COL4A2: variants seen among roughly 807,000 people sequenced by gnomAD.
The protein encoded by COL4A2 is collagen type IV alpha 2 chain.
Under a neutral mutation model 200.2 loss-of-function variants are expected in COL4A2, and 99 were observed. The observed-to-expected ratio is 0.49, with a 90% CI of 0.42 to 0.58. The LOEUF (loss-of-function observed/expected upper bound fraction) is 0.58, where lower values mean the gene tolerates loss of function less well. Ranked by LOEUF, COL4A2 falls within the 20% of genes least tolerant of loss-of-function variation. The pLI, the probability that COL4A2 is intolerant of heterozygous loss-of-function variation, is 0.00. For missense variants in COL4A2, 1,950 were observed against 2,314.1 expected (o/e 0.84, Z 3.23); for synonymous variants, 897 against 900.6 (o/e 1.00, Z 0.07).
At chr13:110,489,407 G>A (rs758378324) in intron 34 of COL4A2, 38 bp from the exon 35 acceptor site, 21 of 1,603,390 alleles carry the variant, frequency 1.3e-5, no homozygotes, top group African/African-American at 2.7e-5. Flanking sequence ...AACTGACTTC[G>A]CTAACAGCCT....
chr13:110,310,613 T>C (rs1239589866), intron 3 of COL4A2, among the ~76,000 whole-genome samples: 1 of 152,208 alleles, frequency 6.6e-6, no homozygotes, highest in African/African-American at 2.4e-5. Context: ...CTGTTCCTTG[T>C]GAAATAATGT....
chr13:110,317,353 AAC>A (rs1430521539), intron 3 of COL4A2, among the ~76,000 whole-genome samples: 1 of 148,428 alleles, frequency 6.7e-6, no homozygotes, highest in Non-Finnish European at 1.5e-5. Flanking sequence ...CACACACAGA[AAC>A]ACATGTACAC....
At chr13:110,460,578 A>G (rs985530560) in intron 22 of COL4A2, among the ~76,000 whole-genome samples, 2 of 152,180 alleles carry the variant, frequency 1.3e-5, no homozygotes, top group Non-Finnish European at 2.9e-5. Context: ...AAACCTTCCA[A>G]GCACACACGT....
intron 29 of COL4A2, among the ~76,000 whole-genome samples, chr13:110,477,279 A>C (rs1270909992): frequency 2.6e-5 from 4 of 152,278 alleles, no homozygotes; most frequent in Non-Finnish European, 4.4e-5. Context: ...ATCATAATGA[A>C]GAACAAGCAA....
chr13:110,368,071 G>T (rs1444494110), intron 4 of COL4A2, among the ~76,000 whole-genome samples: 3 of 152,172 alleles, frequency 2.0e-5, no homozygotes, highest in Non-Finnish European at 4.4e-5. Flanking sequence ...CAAATATTTG[G>T]ACTTCTCTTC....
chr13:110,503,538 T>C, intron 43 of COL4A2, 57 bp downstream of exon 43: 11 of 1,083,732 alleles, frequency 1.0e-5, no homozygotes, highest in Non-Finnish European at 1.5e-5. Flanking sequence ...TCTCCAGGCT[T>C]GGGGACATCC....
At chr13:110,325,586 T>C (rs1885385407) in intron 3 of COL4A2, among the ~76,000 whole-genome samples, 1 of 152,208 alleles carries the variant, frequency 6.6e-6, no homozygotes, top group African/African-American at 2.4e-5. Flanking sequence ...AACACTTAAC[T>C]AAGGCTGCCT....
At chr13:110,400,029 C>CA (rs764227486) in intron 4 of COL4A2, among the ~76,000 whole-genome samples, 11 of 152,276 alleles carry the variant, frequency 7.2e-5, no homozygotes, top group Non-Finnish European at 1.2e-4. Context: ...AGTAATCAGA[C>CA]AAATTCTCCA....
intron 3 of COL4A2, among the ~76,000 whole-genome samples, chr13:110,327,181 C>G (rs893665980): frequency 6.6e-6 from 1 of 152,220 alleles, no homozygotes; most frequent in Non-Finnish European, 1.5e-5. Flanking sequence ...AGCACACACA[C>G]TCTTACATCT....
chr13:110,402,264 C>T (rs1315335199), intron 4 of COL4A2, among the ~76,000 whole-genome samples: 1 of 152,132 alleles, frequency 6.6e-6, no homozygotes, highest in Non-Finnish European at 1.5e-5. Context: ...CCTATGAAAT[C>T]AAATAAATTG....
chr13:110,458,802 C>T lies in COL4A2; in HGVS notation c.1464C>T (p.Gly488=), dbSNP rs1269797589. The T allele has an allele frequency of 8.1e-6, 13 of 1,613,898 alleles. No individual in the cohort carries two copies. The highest frequency in any genetic ancestry group is 1.3e-5 in the African/African-American group (1 of 74,882). The change falls in exon 22 of 48, where the codon GGC becomes GGT. Residue 488 remains glycine, a synonymous_variant. Transcript: ENST00000360467. ...CTGGGGAATGCAGATGTACAGAAGG[C>T]GACGAAGCTATCAAAGGTCTTCCGG... is the stretch of plus-strand genomic sequence containing the variant. ...GDAGECRCTE[G]DEAIKGLPGL...
In COL4A2 at chr13:110,506,289, G is replaced by A. The variant is rs972894772; in HGVS notation, c.4403-126G>A. 5.5e-6 allele frequency: 5 copies of A among 901,262 alleles called. No homozygotes were observed. The African/African-American group carries it at 7.7e-5, about 14-fold the overall frequency. The allele number at this position is 901,262 out of a possible 1,614,324, so 55.8% of individuals were successfully genotyped here. On this transcript the variant is annotated intron_variant, in intron 45 of 47. Transcript: ENST00000360467. ...CTCTCTCTCTCTCTCTCGGGCTGCA[G>A]GTGCACCAGGCCGTCCACTCTCTCT...
At chr13:110,352,410 GTTGT>G (rs1247003971) in intron 3 of COL4A2, among the ~76,000 whole-genome samples, 1 of 152,204 alleles carries the variant, frequency 6.6e-6, no homozygotes, top group Non-Finnish European at 1.5e-5. Context: ...TGTGGGTTTA[GTTGT>G]TTGTTTACTT....
chr13:110,485,350 C>T (rs776205422), intron 33 of COL4A2, among the ~76,000 whole-genome samples: 3 of 151,874 alleles, frequency 2.0e-5, no homozygotes, highest in Admixed American at 6.6e-5. Flanking sequence ...GGTGAAACCC[C>T]GTCTCTACTA....
At chr13:110,407,036 G>A (rs891061388) in intron 4 of COL4A2, among the ~76,000 whole-genome samples, 1 of 152,234 alleles carries the variant, frequency 6.6e-6, no homozygotes, top group Non-Finnish European at 1.5e-5. Flanking sequence ...CCTCAGGGAA[G>A]AGGGCAGGGC....
At chr13:110,392,788 C>T (rs1457960869) in intron 4 of COL4A2, among the ~76,000 whole-genome samples, 1 of 152,180 alleles carries the variant, frequency 6.6e-6, no homozygotes, top group Non-Finnish European at 1.5e-5. Flanking sequence ...TATCCTCCCT[C>T]CTCTTTAACT....
intron 6 of COL4A2, among the ~76,000 whole-genome samples, chr13:110,428,161 T>G (rs1880537879): frequency 6.8e-6 from 1 of 146,386 alleles, no homozygotes; most frequent in Non-Finnish European, 1.5e-5. Context: ...AAATGTAATT[T>G]TACTTGTCCC....
At chr13:110,434,225 G>C (rs1010561432) in intron 11 of COL4A2, among the ~76,000 whole-genome samples, 176 bp from the exon 12 acceptor site, 2 of 152,176 alleles carry the variant, frequency 1.3e-5, no homozygotes, top group Non-Finnish European at 2.9e-5. Flanking sequence ...TTGGTCAACT[G>C]ACATGACAAA....
rs9521789 is a variant in COL4A2 at position 110,467,273 on chromosome 13, C to T, written c.2095+177C>T. 0.59 allele frequency among the ~76,000 whole-genome samples: 90,457 copies of T among 152,164 alleles called. 27,750 individuals carry two copies. The highest frequency in any genetic ancestry group is 0.74 in the Middle Eastern group (218 of 294). On this transcript the variant is annotated intron_variant, in intron 27 of 47. Coordinates refer to ENST00000360467, the MANE Select transcript of COL4A2 (RefSeq NM_001846.4). ...ACAGGGAGCCCACTGTCATTTGCCA[C>T]TATAGAAAAAGGAGTCTGGTAGCTG...
Sources: allele counts gnomAD v4.1 joint callset (sites outside exome capture counted in the v4.1 genomes callset), GRCh38; gene constraint gnomAD v4.1.1; transcripts MANE v1.5; gene names NCBI Gene and HGNC (gene_info 2026-07-23, HGNC 2026-07-21).